Variants in AFG1L observed in about 807,000 individuals in gnomAD.
AFG1L encodes AFG1 like ATPase.
Under a neutral mutation model 62.2 loss-of-function variants are expected in AFG1L, and 53 were observed. That is an observed-to-expected ratio of 0.85 (90% CI 0.68 to 1.07). The LOEUF (loss-of-function observed/expected upper bound fraction) is 1.07. Ranked by LOEUF, AFG1L falls within the 50% of genes least tolerant of loss-of-function variation. The pLI, the probability that AFG1L is intolerant of heterozygous loss-of-function variation, is 0.00. For missense variants in AFG1L, 555 were observed against 590.5 expected (o/e 0.94, Z 0.62); for synonymous variants, 228 against 210.3 (o/e 1.08, Z -0.73).
At chr6:108,486,836 C>G (rs781505647) in intron 10 of AFG1L, among the ~76,000 whole-genome samples, 37 of 151,982 alleles carry the variant, frequency 2.4e-4, no homozygotes, top group Non-Finnish European at 5.1e-4. Context: ...TCCCAAATAG[C>G]AGGGATTACA....
At chr6:108,405,562 G>C in intron 7 of AFG1L, among the ~76,000 whole-genome samples, 1 of 152,114 alleles carries the variant, frequency 6.6e-6, no homozygotes, top group East Asian at 1.9e-4. Context: ...TCCCAGGCTG[G>C]TCTCAAACTC....
chr6:108,337,770 C>A (rs12528572), intron 2 of AFG1L, among the ~76,000 whole-genome samples: 7,059 of 152,142 alleles, frequency 0.046, 266 homozygotes, highest in South Asian at 0.18. Flanking sequence ...AATAAATAAT[C>A]AAAAAATTCC....
intron 8 of AFG1L, among the ~76,000 whole-genome samples, chr6:108,460,138 T>C (rs1772396256): frequency 1.3e-5 from 2 of 152,174 alleles, no homozygotes; most frequent in South Asian, 4.1e-4. Context: ...TGAGGAATTA[T>C]TGTTAACTTT....
chr6:108,378,310 T>TTTTGTATG (rs1554190835), intron 6 of AFG1L, among the ~76,000 whole-genome samples: 1 of 151,888 alleles, frequency 6.6e-6, no homozygotes, highest in Non-Finnish European at 1.5e-5. Flanking sequence ...GAAGTTGTTT[T>TTTTGTATG]TTTGTTTGTT....
intron 8 of AFG1L, among the ~76,000 whole-genome samples, chr6:108,451,764 G>A (rs1772064761): frequency 6.6e-6 from 1 of 152,058 alleles, no homozygotes; most frequent in Non-Finnish European, 1.5e-5. Flanking sequence ...TCACTGGAGG[G>A]CTGGAGTGCA....
At chr6:108,373,335 C>T (rs1036330257) in intron 6 of AFG1L, among the ~76,000 whole-genome samples, 10 of 152,240 alleles carry the variant, frequency 6.6e-5, no homozygotes, top group South Asian at 2.1e-4. Flanking sequence ...CTAATGGCCT[C>T]GAGCTGCATC....
chr6:108,517,101 C>T (rs1774926141), intron 11 of AFG1L, among the ~76,000 whole-genome samples: 1 of 152,102 alleles, frequency 6.6e-6, no homozygotes, highest in African/African-American at 2.4e-5. Context: ...AAATTCAATG[C>T]CATCCCCATC....
At chr6:108,355,047 A>C (rs529671859) in intron 3 of AFG1L, among the ~76,000 whole-genome samples, 10 of 151,714 alleles carry the variant, frequency 6.6e-5, no homozygotes, top group Non-Finnish European at 1.5e-4. Context: ...ATCTACATAT[A>C]TGATTCATGT....
chr6:108,521,930 C>G (rs1340173261), intron 12 of AFG1L: 1 of 164,754 alleles, frequency 6.1e-6, no homozygotes, highest in Non-Finnish European at 1.3e-5. Flanking sequence ...AAAACGCTCT[C>G]CAGAGGTTTG....
chr6:108,473,841 G>A (rs1271778875), intron 8 of AFG1L, among the ~76,000 whole-genome samples: 2 of 152,194 alleles, frequency 1.3e-5, no homozygotes, highest in African/African-American at 4.8e-5. Flanking sequence ...TTACAGGCGT[G>A]AGCCACTATG....
chr6:108,327,840 C>G (rs1391002092), intron 2 of AFG1L, among the ~76,000 whole-genome samples: 1 of 152,200 alleles, frequency 6.6e-6, no homozygotes, highest in Non-Finnish European at 1.5e-5. Flanking sequence ...ATAGGCCAAC[C>G]AATGACTTCA....
intron 7 of AFG1L, among the ~76,000 whole-genome samples, chr6:108,408,695 A>G (rs1423443546): frequency 6.6e-6 from 1 of 152,166 alleles, no homozygotes; most frequent in African/African-American, 2.4e-5. Flanking sequence ...GCTGGTTCAC[A>G]TGTTTTGTCC....
chr6:108,395,244 T>C (rs1380613581), intron 6 of AFG1L, among the ~76,000 whole-genome samples: 1 of 152,098 alleles, frequency 6.6e-6, no homozygotes, highest in African/African-American at 2.4e-5. Context: ...TCCATAAGTA[T>C]ATGTGGCATT....
At position 108,523,621 on chromosome 6, in the gene AFG1L, A is replaced by G. The variant is rs137883993; in HGVS notation, c.*1196A>G. The G allele has an allele frequency of 2.0e-5, 3 of 151,996 alleles. No homozygotes were observed. Among genetic ancestry groups the G allele is most frequent in the Non-Finnish European group, 2.9e-5 (2 of 68,004 alleles). The allele number at this position is 151,996 out of a possible 1,614,324, so 9.4% of individuals were successfully genotyped here. A position where few individuals can be genotyped will look rare whatever the true frequency, so the allele number is the denominator to read the frequency against. On this transcript the variant is annotated 3_prime_UTR_variant, in exon 13 of 13. Transcript: ENST00000368977. ...ATAAGTAAGCTCTTTGAACCTATTT[A>G]TTTTCTATTTATTATTATTTTTATT...
At chr6:108,516,787 AAG>A (rs1205306824) in intron 11 of AFG1L, among the ~76,000 whole-genome samples, 1 of 152,234 alleles carries the variant, frequency 6.6e-6, no homozygotes, top group African/African-American at 2.4e-5. Context: ...TTAAGCCGAT[AAG>A]CAACTTCAGC....
intron 2 of AFG1L, among the ~76,000 whole-genome samples, chr6:108,327,638 A>G (rs1268226191): frequency 6.6e-6 from 1 of 152,144 alleles, no homozygotes; most frequent in African/African-American, 2.4e-5. Flanking sequence ...CAAAGGTCCT[A>G]CCTCCTAAGA....
At chr6:108,358,577 G>A (rs548572161) in intron 5 of AFG1L, among the ~76,000 whole-genome samples, 1 of 152,212 alleles carries the variant, frequency 6.6e-6, no homozygotes, top group East Asian at 1.9e-4. Context: ...TTGTTGCCTA[G>A]ACTGGAATGC....
At position 108,443,873 on chromosome 6, in the gene AFG1L, GA is replaced by G. The variant is rs577214167; in HGVS notation, c.808-3329del. Among the ~76,000 whole-genome samples the G allele has an allele frequency of 4.4e-3, 636 of 143,368 alleles. 4 individuals carry two copies. The highest frequency in any genetic ancestry group is 0.013 in the African/African-American group (513 of 39,178). 94.1% of individuals were successfully genotyped at this position (143,368 alleles called of 152,430 possible). A position where few individuals can be genotyped will look rare whatever the true frequency, so the allele number is the denominator to read the frequency against. On this transcript the variant is annotated intron_variant, in intron 7 of 12. Transcript: ENST00000368977. ...CTGGGCAACAGAGTAAGACTCTGTC[GA>G]AAAAAAAAAAATTGCATTTTTTCAT...
chr6:108,323,326 C>T (rs1209573677), intron 1 of AFG1L, among the ~76,000 whole-genome samples: 1 of 151,852 alleles, frequency 6.6e-6, no homozygotes, highest in Non-Finnish European at 1.5e-5. Context: ...GGTTTGTTTC[C>T]TTTTGTTAAA....
Sources: allele counts gnomAD v4.1 joint callset (sites outside exome capture counted in the v4.1 genomes callset), GRCh38; gene constraint gnomAD v4.1.1; transcripts MANE v1.5; gene names NCBI Gene and HGNC (gene_info 2026-07-23, HGNC 2026-07-21).